PCM1: variants seen among roughly 807,000 people sequenced by gnomAD.
PCM1 encodes pericentriolar material 1.
A neutral mutation model predicts 241.9 loss-of-function variants in PCM1; 157 were observed. That is an observed-to-expected ratio of 0.65 (90% CI 0.57 to 0.74). The LOEUF (loss-of-function observed/expected upper bound fraction) is 0.74. Among genes scored for constraint, PCM1 ranks in the 30% least tolerant of loss-of-function variants. The pLI is 0.00. For missense variants in PCM1, 3,478 were observed against 2,360.1 expected, an observed-to-expected ratio of 1.47 and a Z score of -9.81; for synonymous variants, 1,085 against 784.9, an observed-to-expected ratio of 1.38 and a Z score of -6.39.
intron 2 of PCM1, among the ~76,000 whole-genome samples, chr8:17,931,682 A>G (rs1296459905): frequency 6.6e-6 from 1 of 152,130 alleles, no homozygotes; most frequent in East Asian, 1.9e-4. Context: ...TTCCCTTCCA[A>G]TTTACGTTTC....
chr8:17,968,762 G>GTGTGTATATATA (rs373502456), intron 21 of PCM1, among the ~76,000 whole-genome samples: 4 of 136,782 alleles, frequency 2.9e-5, no homozygotes, highest in African/African-American at 8.2e-5. Flanking sequence ...GTGTGTGTGT[G>GTGTGTATATATA]TATATATATA....
At position 17,966,057 on chromosome 8, in the gene PCM1, A is replaced by G. The variant is rs757723071; in HGVS notation, c.2914A>G (p.Arg972Gly). 4 of 1,613,700 alleles carry G rather than the reference A, an allele frequency of 2.5e-6. No individual in the cohort carries two copies. Among genetic ancestry groups the G allele is most frequent in the South Asian group, 1.1e-5 (1 of 91,014 alleles). Residue 972 changes from arginine (R) to glycine (G), a missense_variant, in exon 19 of 39, where the codon AGG becomes GGG. Arg to Gly is a moderately radical substitution (Grantham distance 125). Coordinates refer to ENST00000325083, the MANE Select transcript of PCM1 (RefSeq NM_006197.4). Reference sequence around the variant, plus strand: ...AAATTATCGTCCTTTAGCCAAGACAAGGCAACAGAATATCAGCATGCAACG... The same window carrying G: ...AAATTATCGTCCTTTAGCCAAGACAGGGCAACAGAATATCAGCATGCAACG... Reference protein sequence around the residue: ...DENYRPLAKTRQQNISMQRQE... With the variant: ...DENYRPLAKTGQQNISMQRQE...
intron 36 of PCM1, among the ~76,000 whole-genome samples, chr8:18,015,983 G>A (rs2093145616): frequency 6.6e-6 from 1 of 152,178 alleles, no homozygotes; most frequent in Non-Finnish European, 1.5e-5. Flanking sequence ...CTGCCTCCTG[G>A]GTTCAGGTGA....
At chr8:17,957,497 T>C (rs1296137482) in intron 12 of PCM1, 43 bp from the exon 13 acceptor site, 4 of 1,606,386 alleles carry the variant, frequency 2.5e-6, no homozygotes, top group Non-Finnish European at 3.4e-6. Flanking sequence ...GTGTGCTCTT[T>C]CCTTTAAAAG....
chr8:17,945,358 A>G (rs2299594), intron 6 of PCM1, among the ~76,000 whole-genome samples: 32,573 of 152,030 alleles, frequency 0.21, 4,033 homozygotes, highest in East Asian at 0.4. Flanking sequence ...TTAGAGGTTC[A>G]AGACAACAGA....
At chr8:17,946,824 G>T (rs1374087689) in intron 6 of PCM1, among the ~76,000 whole-genome samples, 1 of 140,418 alleles carries the variant, frequency 7.1e-6, no homozygotes, top group Non-Finnish European at 1.5e-5. Context: ...TAGGGGCCTA[G>T]ATTCTTCAGT....
intron 22 of PCM1, among the ~76,000 whole-genome samples, chr8:17,970,727 C>T (rs2076557152): frequency 6.6e-6 from 1 of 152,022 alleles, no homozygotes; most frequent in Non-Finnish European, 1.5e-5. Context: ...AATGTCCCTA[C>T]TTCATTATTT....
intron 38 of PCM1, among the ~76,000 whole-genome samples, chr8:18,027,111 T>C (rs1346024795): frequency 1.3e-5 from 2 of 152,178 alleles, no homozygotes; most frequent in African/African-American, 4.8e-5. Context: ...TGATATCTCA[T>C]TGTTTTTGTT....
intron 3 of PCM1, among the ~76,000 whole-genome samples, chr8:17,936,407 G>C (rs1193822699): frequency 1.3e-5 from 2 of 152,100 alleles, no homozygotes; most frequent in Non-Finnish European, 2.9e-5. Context: ...TTTCCAGTTG[G>C]ATAAAGTGGG....
chr8:18,012,904 T>C (rs1254100398), intron 34 of PCM1, among the ~76,000 whole-genome samples: 4 of 152,214 alleles, frequency 2.6e-5, no homozygotes, highest in Admixed American at 2.6e-4. Flanking sequence ...TTTTTTCTGA[T>C]TGTTACTTTT....
intron 29 of PCM1, among the ~76,000 whole-genome samples, chr8:17,997,563 G>A (rs2087354091): frequency 1.3e-5 from 2 of 151,930 alleles, no homozygotes. Context: ...TCCTCAAGTT[G>A]TGTGTTTTCA....
chr8:17,936,483 TCTATTTGAAA>T, intron 3 of PCM1, among the ~76,000 whole-genome samples: 1 of 152,330 alleles, frequency 6.6e-6, no homozygotes, highest in Non-Finnish European at 1.5e-5. Context: ...AAAAATGTTT[TCTATTTGAAA>T]CTATAAGCAC....
At chr8:17,960,287 C>T (rs2071081553) in intron 14 of PCM1, 28 bp from the exon 15 acceptor site, 1 of 1,588,290 alleles carries the variant, frequency 6.3e-7, no homozygotes, top group African/African-American at 1.4e-5. Flanking sequence ...TATTGGAGTC[C>T]ATAAATATAA....
At chr8:17,958,215 A>G (rs557989302) in intron 13 of PCM1, among the ~76,000 whole-genome samples, 2 of 152,162 alleles carry the variant, frequency 1.3e-5, no homozygotes, top group Non-Finnish European at 2.9e-5. Context: ...AAATAGGTTA[A>G]AGAGATCTTA....
chr8:17,972,921 A>T (rs1427890165), intron 23 of PCM1, among the ~76,000 whole-genome samples: 2 of 152,036 alleles, frequency 1.3e-5, no homozygotes, highest in Non-Finnish European at 2.9e-5. Flanking sequence ...TATTTTTTGT[A>T]CTTCTTAAAG....
chr8:17,951,011 C>G (rs547468792), intron 8 of PCM1, among the ~76,000 whole-genome samples: 1 of 152,298 alleles, frequency 6.6e-6, no homozygotes, highest in African/African-American at 2.4e-5. Flanking sequence ...TCTTTGTATG[C>G]TACTGGATGA....
intron 24 of PCM1, among the ~76,000 whole-genome samples, chr8:17,983,063 A>T (rs184012963): frequency 1.3e-5 from 2 of 151,944 alleles, no homozygotes; most frequent in African/African-American, 4.8e-5. Flanking sequence ...ACCTTTTGAG[A>T]TTTTTTTTCT....
chr8:17,940,134 G>A (rs2061589491), intron 6 of PCM1: 1 of 1,555,458 alleles, frequency 6.4e-7, no homozygotes, highest in Non-Finnish European at 8.7e-7. Context: ...ACATAGATGT[G>A]CAGTCTGAGG....
intron 23 of PCM1, among the ~76,000 whole-genome samples, chr8:17,974,873 A>G (rs1252705844): frequency 1.3e-5 from 2 of 151,894 alleles, no homozygotes; most frequent in African/African-American, 2.4e-5. Context: ...ACACACACAC[A>G]CACACACACA....
Sources: allele counts gnomAD v4.1 joint callset (sites outside exome capture counted in the v4.1 genomes callset), GRCh38; gene constraint gnomAD v4.1.1; transcripts MANE v1.5; gene names NCBI Gene and HGNC (gene_info 2026-07-23, HGNC 2026-07-21).